The following ZNF322 variants were observed in gnomAD, a reference collection of about 807,000 sequenced individuals.
ZNF322 encodes zinc finger protein 322.
A neutral mutation model predicts 18.3 loss-of-function variants in ZNF322; 1 was observed. The observed-to-expected ratio is 0.05, with a 90% CI of 0.02 to 0.26. ZNF322 has a LOEUF of 0.26. Ranked by LOEUF, ZNF322 falls within the 10% of genes least tolerant of loss-of-function variation. The pLI is 1.00. For synonymous variants in ZNF322, 17 were observed against 130.7 expected (o/e 0.13, Z 5.93); for missense variants, 36 against 403.6 (o/e 0.09, Z 7.80).
At chr6:26,656,593 GAATT>G (rs1765775791) in intron 2 of ZNF322, among the ~76,000 whole-genome samples, 1 of 151,814 alleles carries the variant, frequency 6.6e-6, no homozygotes, top group African/African-American at 2.4e-5. Context: ...GGAAAAGGAA[GAATT>G]CCAACTCAGA....
intron 2 of ZNF322, among the ~76,000 whole-genome samples, chr6:26,647,977 C>T (rs1765586746): frequency 6.6e-6 from 1 of 151,620 alleles, no homozygotes; most frequent in African/African-American, 2.4e-5. Flanking sequence ...CTCCTAGGCT[C>T]AAGCAATTCT....
intron 1 of ZNF322, among the ~76,000 whole-genome samples, 174 bp downstream of exon 1, chr6:26,659,267 G>C (rs1381948619): frequency 6.6e-6 from 1 of 152,212 alleles, no homozygotes; most frequent in Non-Finnish European, 1.5e-5. Flanking sequence ...CCGTACTAAG[G>C]TTCTCTTCTT....
At chr6:26,651,752 C>T (rs1278168864) in intron 2 of ZNF322, among the ~76,000 whole-genome samples, 1 of 152,156 alleles carries the variant, frequency 6.6e-6, no homozygotes, top group Non-Finnish European at 1.5e-5. Flanking sequence ...CCAAATGAAT[C>T]AGATACCTAA....
At chr6:26,640,680 C>T (rs1451712569) in intron 3 of ZNF322, among the ~76,000 whole-genome samples, 1 of 152,116 alleles carries the variant, frequency 6.6e-6, no homozygotes, top group Admixed American at 6.5e-5. Flanking sequence ...GGATTTTTGG[C>T]TCACTTCATT....
At chr6:26,656,723 T>C (rs556894226) in intron 2 of ZNF322, among the ~76,000 whole-genome samples, 121 of 152,132 alleles carry the variant, frequency 8.0e-4, no homozygotes, top group Non-Finnish European at 1.1e-3. Context: ...AAAAGGAGAA[T>C]AGAGTGAAAA....
rs1491481825 is a variant in ZNF322 at position 26,649,702 on chromosome 6, T to TATATA, written c.-245-5975_-245-5974insTATAT. Reference sequence around the variant, plus strand: ...ATATATATATATATATATATATATATTTTTTTTTTTTTTTTTTTGAGACTG... The same window carrying TATATA: ...ATATATATATATATATATATATATATATATATTTTTTTTTTTTTTTTTTGAGACTG... On this transcript the variant is annotated intron_variant, in intron 2 of 3. Coordinates refer to ENST00000415922, the MANE Select transcript of ZNF322 (RefSeq NM_024639.5). 1.5e-3 allele frequency among the ~76,000 whole-genome samples: 132 copies of TATATA among 89,050 alleles called. 3 individuals are homozygous for TATATA. The highest frequency in any genetic ancestry group is 2.2e-3 in the Non-Finnish European group (104 of 46,694). 58.4% of individuals were successfully genotyped at this position (89,050 alleles called of 152,430 possible).
chr6:26,643,067 C>A (rs1765493709), intron 3 of ZNF322, among the ~76,000 whole-genome samples: 1 of 152,190 alleles, frequency 6.6e-6, no homozygotes, highest in Non-Finnish European at 1.5e-5. Flanking sequence ...CCTGTCACTG[C>A]CTCTCTGACA....
intron 2 of ZNF322, among the ~76,000 whole-genome samples, chr6:26,649,685 ATATATATATATATATATTTTT>A: frequency 1.4e-5 from 1 of 71,552 alleles, no homozygotes; most frequent in Non-Finnish European, 2.8e-5. Context: ...GTATATATAT[ATATATATATATATATATTTTT>A]TTTTTTTTTT....
chr6:26,652,721 T>C (rs546075924), intron 2 of ZNF322, among the ~76,000 whole-genome samples: 19 of 151,976 alleles, frequency 1.3e-4, no homozygotes, highest in Admixed American at 3.3e-4. Flanking sequence ...AGATACCCCA[T>C]AGAATGTACA....
intron 3 of ZNF322, among the ~76,000 whole-genome samples, chr6:26,642,115 C>A (rs1345184512): frequency 6.6e-6 from 1 of 152,192 alleles, no homozygotes; most frequent in African/African-American, 2.4e-5. Context: ...CTTCACTGCA[C>A]TGAGATGTTT....
intron 3 of ZNF322, among the ~76,000 whole-genome samples, chr6:26,639,755 C>T (rs2113657234): frequency 6.6e-6 from 1 of 152,280 alleles, no homozygotes; most frequent in Middle Eastern, 3.4e-3. Flanking sequence ...GACCCCTCGT[C>T]TGTCACCTAA....
intron 2 of ZNF322, 75 bp from the exon 3 acceptor site, chr6:26,643,803 T>C (rs1765508148): frequency 6.6e-6 from 1 of 152,508 alleles, no homozygotes; most frequent in Admixed American, 6.5e-5. Flanking sequence ...ACTCAAAGGA[T>C]TTAACAATGG....
chr6:26,639,162 T>C (rs77021410), intron 3 of ZNF322, among the ~76,000 whole-genome samples: 3,745 of 152,304 alleles, frequency 0.025, 83 homozygotes, highest in African/African-American at 0.069. Flanking sequence ...AAGGTTTCTA[T>C]GACTCTAATT....
intron 2 of ZNF322, among the ~76,000 whole-genome samples, chr6:26,646,766 A>C (rs2113665718): frequency 6.6e-6 from 1 of 152,320 alleles, no homozygotes; most frequent in South Asian, 2.1e-4. Flanking sequence ...ATATTATGTA[A>C]TAAAGGAAGC....
chr6:26,653,125 A>G (rs1404451123), intron 2 of ZNF322, among the ~76,000 whole-genome samples: 1 of 152,212 alleles, frequency 6.6e-6, no homozygotes, highest in Non-Finnish European at 1.5e-5. Flanking sequence ...GGGAATGCAA[A>G]CTGGTAAGTC....
chr6:26,639,385 T>C (rs1027204), intron 3 of ZNF322, among the ~76,000 whole-genome samples: 69,229 of 151,958 alleles, frequency 0.46, 16,136 homozygotes, highest in East Asian at 0.67. Context: ...TATAAGCACA[T>C]AACTTGCTCA....
rs1561924849 is a variant in ZNF322 at position 26,649,680 on chromosome 6, TA to T, written c.-245-5953del. Among the ~76,000 whole-genome samples the T allele has an allele frequency of 7.7e-3, 179 of 23,142 alleles. 7 individuals carry two copies. The highest frequency in any genetic ancestry group is 0.036 in the African/African-American group (170 of 4,678). The allele number at this position is 23,142 out of a possible 152,430, so 15.2% of individuals were successfully genotyped here. On this transcript the variant is annotated intron_variant, in intron 2 of 3. Coordinates refer to ENST00000415922, the MANE Select transcript of ZNF322 (RefSeq NM_024639.5). ...GTGTGTGTGTGTGTGTGTGTGTATA[TA>T]TATATATATATATATATATATTTTT... is the stretch of plus-strand genomic sequence containing the variant.
At chr6:26,649,891 C>T (rs142665395) in intron 2 of ZNF322, among the ~76,000 whole-genome samples, 2,594 of 150,540 alleles carry the variant, frequency 0.017, 42 homozygotes, top group African/African-American at 0.045. Flanking sequence ...TTAGTAGAGA[C>T]GGGGTCTCTC....
At chr6:26,643,832 G>T (rs1581490321) in intron 2 of ZNF322, 104 bp from the exon 3 acceptor site, 3 of 152,330 alleles carry the variant, frequency 2.0e-5, no homozygotes, top group Admixed American at 2.0e-4. Flanking sequence ...CAGTTAAAAA[G>T]AACAGATGGG....
Sources: allele counts gnomAD v4.1 joint callset (sites outside exome capture counted in the v4.1 genomes callset), GRCh38; gene constraint gnomAD v4.1.1; transcripts MANE v1.5; gene names NCBI Gene and HGNC (gene_info 2026-07-23, HGNC 2026-07-21).